LYN: variants seen among roughly 807,000 people sequenced by gnomAD.
LYN encodes tyrosine-protein kinase Lyn.
A neutral mutation model predicts 65.0 loss-of-function variants in LYN; 12 were observed. The observed-to-expected ratio is 0.18, with a 90% confidence interval of 0.12 to 0.30. The LOEUF is 0.30. Ranked by LOEUF, LYN falls within the 10% of genes least tolerant of loss-of-function variation. The pLI is 1.00. For missense variants in LYN, 380 were observed against 623.2 expected (o/e 0.61, Z 4.16); for synonymous variants, 222 against 221.2 (o/e 1.00, Z -0.03).
chr8:55,975,117 G>A (rs142723210), intron 10 of LYN, among the ~76,000 whole-genome samples: 147 of 152,292 alleles, frequency 9.7e-4, no homozygotes, highest in African/African-American at 2.9e-3. Flanking sequence ...GCCGGGTGCC[G>A]CTGTGGATTC....
At chr8:55,929,388 A>G (rs572426456) in intron 1 of LYN, among the ~76,000 whole-genome samples, 3 of 152,312 alleles carry the variant, frequency 2.0e-5, no homozygotes, top group South Asian at 4.1e-4. Flanking sequence ...TTCAACAGCT[A>G]CCAGATCTGT....
chr8:55,969,701 C>G lies in LYN; in HGVS notation c.974-16C>G, dbSNP rs767149526. 2 of 1,605,238 alleles carry G rather than the reference C, an allele frequency of 1.2e-6. No homozygotes were observed. The highest frequency in any genetic ancestry group is 1.1e-5 in the South Asian group (1 of 90,856). ...TGTGTTTGGAATGCACTAACTTGTT[C>G]TTTCTTTCTCCATAGGCAGTTTGCT... On this transcript the variant is annotated splice_polypyrimidine_tract_variant and intron_variant, in intron 9 of 12. Coordinates refer to ENST00000519728, the MANE Select transcript of LYN (RefSeq NM_002350.4).
chr8:55,889,219 T>C (rs1265972771), intron 1 of LYN, among the ~76,000 whole-genome samples: 1 of 152,072 alleles, frequency 6.6e-6, no homozygotes, highest in Non-Finnish European at 1.5e-5. Context: ...AGGAGGATAA[T>C]TTGAGCTCAG....
In LYN at chr8:55,969,625, G is replaced by C. The variant is rs1005807294; in HGVS notation, c.974-92G>C. ...TGCAAAGCCAATCATTTTGTGGGGA[G>C]TTCCCCTGTAATAGTAATGATGATG... is the stretch of plus-strand genomic sequence containing the variant. On this transcript the variant is annotated intron_variant, in intron 9 of 12. Coordinates refer to ENST00000519728, the MANE Select transcript of LYN (RefSeq NM_002350.4). 4 of 957,102 alleles carry C rather than the reference G, an allele frequency of 4.2e-6. No homozygotes were observed. The African/African-American group carries it at 6.4e-5, about 15-fold the overall frequency. The allele number at this position is 957,102 out of a possible 1,614,324, so 59.3% of individuals were successfully genotyped here.
chr8:55,899,557 G>C (rs1159341489), intron 1 of LYN, among the ~76,000 whole-genome samples: 3 of 152,126 alleles, frequency 2.0e-5, no homozygotes, highest in African/African-American at 7.2e-5. Flanking sequence ...TATGTCATTC[G>C]TTCTTCTAAA....
intron 8 of LYN, among the ~76,000 whole-genome samples, chr8:55,961,473 T>C (rs1401714998): frequency 6.6e-6 from 1 of 152,124 alleles, no homozygotes; most frequent in Non-Finnish European, 1.5e-5. Flanking sequence ...TGTTTCAATA[T>C]CACAGCCCTA....
chr8:55,983,235 A>T (rs1309406223), intron 10 of LYN, among the ~76,000 whole-genome samples: 1 of 151,258 alleles, frequency 6.6e-6, no homozygotes, highest in Non-Finnish European at 1.5e-5. Flanking sequence ...TCTGCCCTCA[A>T]ACCTTCCCCT....
chr8:55,985,594 C>T (rs1183972513), intron 10 of LYN, among the ~76,000 whole-genome samples: 1 of 152,062 alleles, frequency 6.6e-6, no homozygotes, highest in Non-Finnish European at 1.5e-5. Flanking sequence ...TAACACACAT[C>T]AAGTTCTTTA....
intron 1 of LYN, among the ~76,000 whole-genome samples, chr8:55,931,581 T>G (rs770938960): frequency 6.6e-5 from 10 of 152,042 alleles, no homozygotes; most frequent in Non-Finnish European, 1.3e-4. Context: ...TTTTCAGACT[T>G]TTTTCTATTC....
At chr8:55,964,323 G>A (rs755533350) in intron 8 of LYN, among the ~76,000 whole-genome samples, 30 of 152,108 alleles carry the variant, frequency 2.0e-4, no homozygotes, top group African/African-American at 6.7e-4. Flanking sequence ...CTCTCAAAGT[G>A]CTGGGATTAC....
At chr8:55,906,843 G>A (rs1419459877) in intron 1 of LYN, among the ~76,000 whole-genome samples, 1 of 152,198 alleles carries the variant, frequency 6.6e-6, no homozygotes, top group Non-Finnish European at 1.5e-5. Flanking sequence ...CAGCCCTCCT[G>A]TAAGCTGAGA....
At position 55,942,421 on chromosome 8, in the gene LYN, A is replaced by G. The variant is rs192173598; in HGVS notation, c.132+430A>G. Among the ~76,000 whole-genome samples, 83 of 126,476 alleles carry G rather than the reference A, an allele frequency of 6.6e-4. 1 individual carries two copies. Among genetic ancestry groups the G allele is most frequent in the African/African-American group, 1.9e-3 (48 of 25,244 alleles). 83.0% of individuals were successfully genotyped at this position (126,476 alleles called of 152,430 possible). On this transcript the variant is annotated intron_variant, in intron 2 of 12. Transcript: ENST00000519728. ...TATATATGTGTATATATATGTGTGT[A>G]TATATATATATGTGTGTGTGTGTAT...
rs538646482 is a variant in LYN at position 55,880,794 on chromosome 8, C to T, written c.-6+691C>T. ...AGTTATTTTAAGAATTCAGGGGTTG[C>T]CTTTCCTTCGCCTTGGGGGAAGGGC... On this transcript the variant is annotated intron_variant, in intron 1 of 12. Coordinates refer to ENST00000519728, the MANE Select transcript of LYN (RefSeq NM_002350.4). 3.3e-5 allele frequency among the ~76,000 whole-genome samples: 5 copies of T among 152,364 alleles called. No individual in the cohort carries two copies. The East Asian group carries it at 7.7e-4, about 24-fold the overall frequency.
chr8:55,983,736 T>TC (rs1807995940), intron 10 of LYN, among the ~76,000 whole-genome samples: 1 of 152,010 alleles, frequency 6.6e-6, no homozygotes, highest in Non-Finnish European at 1.5e-5. Flanking sequence ...TGCTTTTCCT[T>TC]CCCCCTCACC....
chr8:55,991,173 C>T (rs1165813866), intron 10 of LYN, among the ~76,000 whole-genome samples: 1 of 152,208 alleles, frequency 6.6e-6, no homozygotes, highest in Admixed American at 6.5e-5. Flanking sequence ...GTTGCCTCCA[C>T]CTGGAGGAAG....
At chr8:55,883,065 G>A (rs1804694221) in intron 1 of LYN, among the ~76,000 whole-genome samples, 1 of 152,174 alleles carries the variant, frequency 6.6e-6, no homozygotes, top group Non-Finnish European at 1.5e-5. Flanking sequence ...ACTCACATTA[G>A]CCTACTGTTG....
At chr8:55,928,738 T>C (rs1806181486) in intron 1 of LYN, among the ~76,000 whole-genome samples, 1 of 152,208 alleles carries the variant, frequency 6.6e-6, no homozygotes, top group African/African-American at 2.4e-5. Context: ...TAGATTTTAA[T>C]GAAGTTCAAT....
intron 10 of LYN, among the ~76,000 whole-genome samples, chr8:55,985,081 G>A (rs901657428): frequency 1.4e-4 from 22 of 152,316 alleles, no homozygotes; most frequent in African/African-American, 5.1e-4. Flanking sequence ...AGAAGTTGCT[G>A]AACCGAGCAA....
At chr8:55,949,089 G>T (rs138733978) in intron 4 of LYN, among the ~76,000 whole-genome samples, 2,111 of 152,238 alleles carry the variant, frequency 0.014, 45 homozygotes, top group African/African-American at 0.049. Context: ...CTGCCTTTCT[G>T]CTGAGGACTC....
Sources: allele counts gnomAD v4.1 joint callset (sites outside exome capture counted in the v4.1 genomes callset), GRCh38; gene constraint gnomAD v4.1.1; transcripts MANE v1.5; gene names NCBI Gene and HGNC (gene_info 2026-07-23, HGNC 2026-07-21).